MAF: variants seen among roughly 807,000 people sequenced by gnomAD.
The protein encoded by MAF is MAF bZIP transcription factor, also known as transcription factor Maf.
Under a neutral mutation model 22.0 loss-of-function variants are expected in MAF, and 10 were observed. The observed-to-expected ratio is 0.45, with a 90% confidence interval of 0.28 to 0.77. The LOEUF is 0.77. MAF is among the 30% of genes least tolerant of loss of function. MAF has a pLI of 0.12. For synonymous variants in MAF, 337 were observed against 255.8 expected (o/e 1.32, Z -3.03); for missense variants, 544 against 548.4 (o/e 0.99, Z 0.08).
the MAF span, among the ~76,000 whole-genome samples, chr16:79,482,328 C>T: frequency 7.9e-5 from 12 of 152,112 alleles, no homozygotes; most frequent in Admixed American, 2.0e-4. Context: ...GAGAGCAAAG[C>T]TTTGGCACCT....
chr16:79,318,194 A>T, the MAF span, among the ~76,000 whole-genome samples: 1 of 152,212 alleles, frequency 6.6e-6, no homozygotes, highest in Non-Finnish European at 1.5e-5. Flanking sequence ...CTTAGGCCAG[A>T]AGAATTAAGA....
chr16:79,439,139 G>A, the MAF span, among the ~76,000 whole-genome samples: 1 of 151,880 alleles, frequency 6.6e-6, no homozygotes. Context: ...ACTGCCTTGC[G>A]TTCATTCATC....
At chr16:79,252,336 T>C in the MAF span, among the ~76,000 whole-genome samples, 1 of 152,210 alleles carries the variant, frequency 6.6e-6, no homozygotes, top group Non-Finnish European at 1.5e-5. Flanking sequence ...AAATTGGAAT[T>C]TCATATACTT....
chr16:79,457,827 T>C, the MAF span, among the ~76,000 whole-genome samples: 1 of 152,024 alleles, frequency 6.6e-6, no homozygotes, highest in Non-Finnish European at 1.5e-5. Flanking sequence ...TGAAATGCCA[T>C]CGCAATTGGA....
chr16:79,371,406 G>A, the MAF span, among the ~76,000 whole-genome samples: 1 of 152,162 alleles, frequency 6.6e-6, no homozygotes, highest in Non-Finnish European at 1.5e-5. Context: ...TCCTCTCAAT[G>A]GGACGAGTGT....
chr16:79,432,720 T>C, the MAF span, among the ~76,000 whole-genome samples: 1 of 152,058 alleles, frequency 6.6e-6, no homozygotes, highest in Non-Finnish European at 1.5e-5. Context: ...GATGTCCTCA[T>C]AAAAAGTGAA....
chr16:79,415,105 T>A, the MAF span, among the ~76,000 whole-genome samples: 1 of 152,198 alleles, frequency 6.6e-6, no homozygotes, highest in Non-Finnish European at 1.5e-5. Context: ...AAGCGAGAAC[T>A]AGAAATCTTT....
the MAF span, chr16:79,205,539 C>G: frequency 6.6e-6 from 1 of 152,222 alleles, no homozygotes; most frequent in Admixed American, 6.5e-5. Context: ...AACACTTTCT[C>G]ACACTTCTAA....
the MAF span, among the ~76,000 whole-genome samples, chr16:79,214,541 G>T: frequency 6.6e-6 from 1 of 151,984 alleles, no homozygotes; most frequent in East Asian, 1.9e-4. Flanking sequence ...AAATAGCTGG[G>T]ATTACAGGTA....
chr16:79,377,420 G>T, the MAF span, among the ~76,000 whole-genome samples: 1 of 152,168 alleles, frequency 6.6e-6, no homozygotes, highest in South Asian at 2.1e-4. Context: ...GTAGATTCTG[G>T]ATATTAGCCC....
At chr16:79,353,428 C>A in the MAF span, among the ~76,000 whole-genome samples, 5 of 152,168 alleles carry the variant, frequency 3.3e-5, no homozygotes, top group Non-Finnish European at 7.3e-5. Context: ...CGTGCCTGGC[C>A]TCAAACCAAG....
chr16:79,495,903 G>C, the MAF span, among the ~76,000 whole-genome samples: 23 of 152,288 alleles, frequency 1.5e-4, no homozygotes, highest in African/African-American at 5.5e-4. Flanking sequence ...CCTTTATGGA[G>C]TTTCTATTAT....
chr16:79,436,886 G>T, the MAF span, among the ~76,000 whole-genome samples: 1 of 152,208 alleles, frequency 6.6e-6, no homozygotes, highest in Non-Finnish European at 1.5e-5. Flanking sequence ...AACACTTAGC[G>T]CAGGCAGGCT....
chr16:79,475,866 G>C, the MAF span, among the ~76,000 whole-genome samples: 1 of 152,126 alleles, frequency 6.6e-6, no homozygotes, highest in Non-Finnish European at 1.5e-5. Context: ...TGTGTGGCCT[G>C]TGCTCTTGTA....
chr16:79,414,950 C>T, the MAF span, among the ~76,000 whole-genome samples: 1 of 152,180 alleles, frequency 6.6e-6, no homozygotes, highest in Non-Finnish European at 1.5e-5. Flanking sequence ...ATCACTGAGG[C>T]AGGGGAACAG....
At chr16:79,214,782 G>C in the MAF span, among the ~76,000 whole-genome samples, 1 of 115,518 alleles carries the variant, frequency 8.7e-6, no homozygotes. Context: ...GCGTGATTTT[G>C]GCTCACTGCA....
the MAF span, among the ~76,000 whole-genome samples, chr16:79,409,786 G>A: frequency 6.6e-6 from 1 of 152,206 alleles, no homozygotes; most frequent in Non-Finnish European, 1.5e-5. Flanking sequence ...GGCTAGATCA[G>A]TGCTGTTCAG....
chr16:79,435,146 C>T, the MAF span, among the ~76,000 whole-genome samples: 3 of 152,260 alleles, frequency 2.0e-5, no homozygotes, highest in East Asian at 1.9e-4. Flanking sequence ...TACACATATA[C>T]GCAGTACACC....
At chr16:79,479,702 G>A in the MAF span, among the ~76,000 whole-genome samples, 1 of 152,206 alleles carries the variant, frequency 6.6e-6, no homozygotes, top group African/African-American at 2.4e-5. Context: ...GCAGAATTTG[G>A]TATTTCCCAC....
Sources: gnomAD v4.1 joint callset for allele counts (sites outside exome capture counted in the v4.1 genomes callset) on GRCh38, gnomAD v4.1.1 for gene constraint, MANE v1.5 for transcripts, NCBI Gene and HGNC (gene_info 2026-07-23, HGNC 2026-07-21) for gene names.